PPP1R12B: variants seen among roughly 807,000 people sequenced by gnomAD.
PPP1R12B encodes the protein protein phosphatase 1 regulatory subunit 12B.
A neutral mutation model predicts 126.1 loss-of-function variants in PPP1R12B; 76 were observed. The observed-to-expected ratio is 0.60, with a 90% confidence interval of 0.50 to 0.73. The LOEUF (loss-of-function observed/expected upper bound fraction) is 0.73, where lower values mean the gene tolerates loss of function less well. PPP1R12B is among the 30% of genes least tolerant of loss of function. The pLI is 0.00. For missense variants in PPP1R12B, 1,052 were observed against 1,205.1 expected (o/e 0.87, Z 1.88); for synonymous variants, 356 against 434.7 (o/e 0.82, Z 2.25).
chr1:202,364,483 G>A (rs1658775418), intron 1 of PPP1R12B, among the ~76,000 whole-genome samples: 1 of 152,150 alleles, frequency 6.6e-6, no homozygotes, highest in South Asian at 2.1e-4. Context: ...TAAGAGAGCA[G>A]CGGCTCAATC....
intron 1 of PPP1R12B, among the ~76,000 whole-genome samples, chr1:202,401,063 C>T (rs1014822370): frequency 6.6e-6 from 1 of 152,184 alleles, no homozygotes; most frequent in Non-Finnish European, 1.5e-5. Context: ...TAAAATTTTA[C>T]TGGAACCCAG....
At chr1:202,370,527 G>C (rs1022896038) in intron 1 of PPP1R12B, among the ~76,000 whole-genome samples, 1 of 146,160 alleles carries the variant, frequency 6.8e-6, no homozygotes, top group Non-Finnish European at 1.5e-5. Flanking sequence ...GAAATTGCTG[G>C]GTTATAGAGT....
chr1:202,359,691 T>TG (rs1323358153), intron 1 of PPP1R12B, among the ~76,000 whole-genome samples: 1 of 13,268 alleles, frequency 7.5e-5, no homozygotes, highest in Non-Finnish European at 1.6e-4. Flanking sequence ...GGGGTGGGGG[T>TG]GGGGGGCGGT....
chr1:202,442,942 G>C (rs985451030), intron 12 of PPP1R12B: 1 of 247,908 alleles, frequency 4.0e-6, no homozygotes, highest in Non-Finnish European at 6.4e-6. Flanking sequence ...TGCTATTTTT[G>C]GGGGGAGGAA....
intron 5 of PPP1R12B, among the ~76,000 whole-genome samples, chr1:202,427,453 T>C (rs2148652660): frequency 6.6e-6 from 1 of 152,300 alleles, no homozygotes; most frequent in East Asian, 1.9e-4. Flanking sequence ...TGGCAAAAAA[T>C]GAGCTTTGAG....
rs897587460 is a variant in PPP1R12B at position 202,585,614 on chromosome 1, A to G, written c.*5054A>G. 3.3e-5 allele frequency: 5 copies of G among 152,122 alleles called. No homozygotes were observed. Among genetic ancestry groups the G allele is most frequent in the African/African-American group, 1.2e-4 (5 of 41,434 alleles). 9.4% of individuals were successfully genotyped at this position (152,122 alleles called of 1,614,324 possible). ...ATTTCTGCTTCAAAAATTCTTTCTAACCTCAAAAATCCAAGTCCAGAATTT... is the reference window on the plus strand; with the variant it reads ...ATTTCTGCTTCAAAAATTCTTTCTAGCCTCAAAAATCCAAGTCCAGAATTT... On this transcript the variant is annotated 3_prime_UTR_variant, in exon 24 of 24. Transcript: ENST00000608999.
intron 1 of PPP1R12B, among the ~76,000 whole-genome samples, chr1:202,367,631 G>T (rs2148434610): frequency 6.6e-6 from 1 of 152,246 alleles, no homozygotes; most frequent in South Asian, 2.1e-4. Context: ...CACATGGCTT[G>T]CAAATGTCAC....
rs956764832 is a variant in PPP1R12B, at chr1:202,419,946, G to A, written c.423-2674G>A. Among the ~76,000 whole-genome samples the A allele has an allele frequency of 2.0e-5, 3 of 152,162 alleles. No individual in the cohort carries two copies. Among genetic ancestry groups the A allele is most frequent in the African/African-American group, 7.2e-5 (3 of 41,442 alleles). On this transcript the variant is annotated intron_variant, in intron 2 of 23. Coordinates refer to ENST00000608999, the MANE Select transcript of PPP1R12B (RefSeq NM_002481.4). The surrounding 1 kb of genome is among the most constrained non-coding windows in gnomAD (Gnocchi z 4.6). ...GGTCACATTCCTGAATTCACATGTT[G>A]CCAGAGAAAAGGAGCAAGTAGGGGA...
intron 18 of PPP1R12B, among the ~76,000 whole-genome samples, chr1:202,499,527 T>G (rs1463948859): frequency 6.6e-6 from 1 of 152,188 alleles, no homozygotes; most frequent in Admixed American, 6.5e-5. Context: ...AATGTTGAGA[T>G]TATAGGCATG....
intron 2 of PPP1R12B, among the ~76,000 whole-genome samples, chr1:202,422,238 T>G (rs190194101): frequency 1.7e-4 from 26 of 152,368 alleles, no homozygotes; most frequent in African/African-American, 6.3e-4. Flanking sequence ...CAAATTTTAA[T>G]GCACACTTTA....
chr1:202,552,033 G>A (rs1366247685), intron 18 of PPP1R12B, among the ~76,000 whole-genome samples: 1 of 152,160 alleles, frequency 6.6e-6, no homozygotes, highest in African/African-American at 2.4e-5. Flanking sequence ...CAGCAGAACT[G>A]TGCAGACTTC....
chr1:202,515,474 T>G (rs942672689), intron 18 of PPP1R12B, among the ~76,000 whole-genome samples: 4 of 152,214 alleles, frequency 2.6e-5, no homozygotes, highest in Non-Finnish European at 5.9e-5. Context: ...TCTAGGAAGC[T>G]GAAACTTTCA....
At chr1:202,488,655 G>A in intron 14 of PPP1R12B, 32 bp downstream of exon 14, 1 of 1,527,144 alleles carries the variant, frequency 6.5e-7, no homozygotes, top group South Asian at 1.2e-5. Context: ...ATGTCATTTT[G>A]TGTATCTACC....
At position 202,493,333 on chromosome 1, in the gene PPP1R12B, C is replaced by T. The variant is rs750582883; in HGVS notation, c.2145+16C>T. 1.2e-6 allele frequency: 2 copies of T among 1,607,090 alleles called. No homozygotes were observed. Among genetic ancestry groups the T allele is most frequent in the African/African-American group, 2.7e-5 (2 of 74,778 alleles). On this transcript the variant is annotated intron_variant, in intron 15 of 23. Coordinates refer to ENST00000608999, the MANE Select transcript of PPP1R12B (RefSeq NM_002481.4). Reference sequence around the variant, plus strand: ...GGATGAAGAGGTGAGCTCATTTTTGCTGGCATGTACTGTGCTAAAAGCAGG... The same window carrying T: ...GGATGAAGAGGTGAGCTCATTTTTGTTGGCATGTACTGTGCTAAAAGCAGG...
intron 14 of PPP1R12B, 103 bp downstream of exon 14, chr1:202,488,726 C>A (rs1678474411): frequency 1.3e-5 from 7 of 525,528 alleles, no homozygotes; most frequent in Non-Finnish European, 2.1e-5. Flanking sequence ...CTGATTTAAA[C>A]ACACACACAC....
chr1:202,361,761 A>G (rs1364021691), intron 1 of PPP1R12B, among the ~76,000 whole-genome samples: 2 of 152,242 alleles, frequency 1.3e-5, no homozygotes, highest in Non-Finnish European at 2.9e-5. Flanking sequence ...AAACTAAAAA[A>G]AAAATAGTAA....
At chr1:202,411,987 C>T (rs1441596115) in intron 1 of PPP1R12B, among the ~76,000 whole-genome samples, 1 of 152,192 alleles carries the variant, frequency 6.6e-6, no homozygotes, top group Non-Finnish European at 1.5e-5. Flanking sequence ...AACAACATAC[C>T]ATCCTTCACT....
At chr1:202,384,082 C>T (rs944714123) in intron 1 of PPP1R12B, among the ~76,000 whole-genome samples, 6 of 152,248 alleles carry the variant, frequency 3.9e-5, no homozygotes, top group African/African-American at 1.4e-4. Flanking sequence ...AAAATTGGAG[C>T]CTCATACATT....
At chr1:202,529,877 T>G (rs919118790) in intron 18 of PPP1R12B, among the ~76,000 whole-genome samples, 1 of 152,158 alleles carries the variant, frequency 6.6e-6, no homozygotes, top group African/African-American at 2.4e-5. Context: ...TCAAAACACC[T>G]TTCTTGACAT....
Sources: gnomAD v4.1 joint callset for allele counts (sites outside exome capture counted in the v4.1 genomes callset) on GRCh38, gnomAD v4.1.1 for gene constraint, Gnocchi (gnomAD v3.1) non-coding constraint, MANE v1.5 for transcripts, NCBI Gene and HGNC (gene_info 2026-07-23, HGNC 2026-07-21) for gene names.